MTHFD1L: variants seen among roughly 807,000 people sequenced by gnomAD.
MTHFD1L encodes monofunctional C1-tetrahydrofolate synthase, mitochondrial.
In MTHFD1L, 81 loss-of-function variants were observed where a neutral mutation model predicts 119.5. That is an observed-to-expected ratio of 0.68 (90% CI 0.57 to 0.82). The LOEUF (loss-of-function observed/expected upper bound fraction) is 0.82. Among genes scored for constraint, MTHFD1L ranks in the 40% least tolerant of loss-of-function variants. The probability of loss-of-function intolerance (pLI) is 0.00; values close to 1 mark genes in which losing one functional copy is unlikely to be tolerated. For synonymous variants in MTHFD1L, 430 were observed against 475.2 expected (o/e 0.90, Z 1.24); for missense variants, 1,125 against 1,253.4 (o/e 0.90, Z 1.55).
rs190811128 is a variant in MTHFD1L at position 151,069,029 on chromosome 6, T to C, written c.2848-23438T>C. Among the ~76,000 whole-genome samples, 3 of 152,298 alleles carry C rather than the reference T, an allele frequency of 2.0e-5. 1 individual carries two copies. Among genetic ancestry groups the C allele is most frequent in the African/African-American group, 7.2e-5 (3 of 41,572 alleles). On this transcript the variant is annotated intron_variant, in intron 26 of 27. Coordinates refer to ENST00000367321, the MANE Select transcript of MTHFD1L (RefSeq NM_015440.5). Reference sequence around the variant, plus strand: ...GAGCTAAAACTATGGTATCGTTTTATTGCAGTCCTCACATCAATCATAATT... The same window carrying C: ...GAGCTAAAACTATGGTATCGTTTTACTGCAGTCCTCACATCAATCATAATT...
At chr6:151,090,060 G>C (rs1794234581) in intron 26 of MTHFD1L, among the ~76,000 whole-genome samples, 1 of 152,168 alleles carries the variant, frequency 6.6e-6, no homozygotes, top group African/African-American at 2.4e-5. Flanking sequence ...TACCTGAAGT[G>C]CAGTCATGTG....
At chr6:151,081,837 C>T (rs868417043) in intron 26 of MTHFD1L, among the ~76,000 whole-genome samples, 2 of 152,166 alleles carry the variant, frequency 1.3e-5, no homozygotes, top group Non-Finnish European at 2.9e-5. Context: ...TAGGCAGCTG[C>T]GCCTTTGATA....
intron 26 of MTHFD1L, among the ~76,000 whole-genome samples, chr6:151,070,133 C>A (rs1232282612): frequency 6.6e-6 from 1 of 152,084 alleles, no homozygotes. Flanking sequence ...GAATTAGATT[C>A]CACATATAGC....
In MTHFD1L at chr6:150,892,987, T is replaced by A. The variant is rs529542523; in HGVS notation, c.780+5006T>A. ...TGGGTTAGTGTCCTGGGGCACCCAA[T>A]CAGGACAGGACACCTGGCACACCCT... is the stretch of plus-strand genomic sequence containing the variant. On this transcript the variant is annotated intron_variant, in intron 7 of 27. Transcript: ENST00000367321. Among the ~76,000 whole-genome samples, 3 of 152,218 alleles carry A rather than the reference T, an allele frequency of 2.0e-5. No individual in the cohort carries two copies. In the East Asian group the frequency reaches 5.8e-4, roughly 29 times the overall value.
chr6:151,057,324 G>A (rs928965694), intron 26 of MTHFD1L: 7 of 985,220 alleles, frequency 7.1e-6, no homozygotes, highest in Non-Finnish European at 7.2e-6. Context: ...TATAATAATG[G>A]TGGTGACTCA....
intron 8 of MTHFD1L, among the ~76,000 whole-genome samples, chr6:150,913,637 C>CT (rs2128873790): frequency 6.6e-6 from 1 of 152,194 alleles, no homozygotes; most frequent in South Asian, 2.1e-4. Flanking sequence ...ATTAGAAAAT[C>CT]TGAGTGCAGG....
Position 150,973,492 on chromosome 6 carries a change from C to T in MTHFD1L, c.2125+1434C>T, listed in dbSNP as rs1776077142. Among the ~76,000 whole-genome samples the T allele has an allele frequency of 2.0e-5, 3 of 152,062 alleles. No individual in the cohort carries two copies. In the South Asian group the frequency reaches 6.2e-4, roughly 32 times the overall value. ...AATGGACGAGGAGGCTGGGTCAGGGCGGGCACTGGAAAGTTGGGTGCTTAA... is the reference window on the plus strand; with the variant it reads ...AATGGACGAGGAGGCTGGGTCAGGGTGGGCACTGGAAAGTTGGGTGCTTAA... On this transcript the variant is annotated intron_variant, in intron 20 of 27. Transcript: ENST00000367321.
intron 2 of MTHFD1L, 87 bp from the exon 3 acceptor site, chr6:150,877,547 T>C (rs1159203759): frequency 2.1e-6 from 3 of 1,408,952 alleles, no homozygotes; most frequent in African/African-American, 2.9e-5. Flanking sequence ...AATTAGATCA[T>C]CTGTAATCAC....
At chr6:150,974,823 G>A (rs1043111041) in intron 20 of MTHFD1L, among the ~76,000 whole-genome samples, 3 of 150,262 alleles carry the variant, frequency 2.0e-5, no homozygotes, top group Non-Finnish European at 3.0e-5. Flanking sequence ...TGCAACCTCC[G>A]CCTCCCAGGT....
chr6:151,061,033 C>T (rs1321691652), intron 26 of MTHFD1L, among the ~76,000 whole-genome samples: 1 of 152,038 alleles, frequency 6.6e-6, no homozygotes, highest in Non-Finnish European at 1.5e-5. Flanking sequence ...TGAACAGGAG[C>T]GGGGAAGAGG....
intron 11 of MTHFD1L, chr6:150,935,463 C>T (rs1791895687): frequency 6.2e-7 from 1 of 1,610,368 alleles, no homozygotes. Flanking sequence ...CATTTGTAGC[C>T]TACCTGTGCA....
intron 26 of MTHFD1L, among the ~76,000 whole-genome samples, chr6:151,046,467 GTGTGTATATATATA>G (rs1389959994): frequency 1.4e-4 from 5 of 36,102 alleles, no homozygotes; most frequent in East Asian, 7.4e-4. Context: ...TAATATGTGT[GTGTGTATATATATA>G]TATATATATA....
At chr6:150,933,732 G>A (rs1168485657) in intron 11 of MTHFD1L, among the ~76,000 whole-genome samples, 3 of 152,068 alleles carry the variant, frequency 2.0e-5, no homozygotes, top group African/African-American at 7.2e-5. Context: ...CTCATCCTTG[G>A]CCTCCTTCTG....
intron 27 of MTHFD1L, chr6:151,100,037 T>A: frequency 2.3e-6 from 1 of 430,064 alleles, no homozygotes; most frequent in Non-Finnish European, 3.9e-6. Context: ...TTCTTTTCTT[T>A]TTTTTTTTTT....
chr6:151,002,216 C>G (rs1279212587), intron 20 of MTHFD1L, among the ~76,000 whole-genome samples: 1 of 152,192 alleles, frequency 6.6e-6, no homozygotes, highest in Non-Finnish European at 1.5e-5. Context: ...GGGACTTTGG[C>G]AGAGGTTGCT....
chr6:151,034,007 C>A (rs893090459), intron 24 of MTHFD1L, among the ~76,000 whole-genome samples: 1 of 151,910 alleles, frequency 6.6e-6, no homozygotes, highest in Admixed American at 6.6e-5. Context: ...GAAACCCAGT[C>A]TCTACAAAAA....
chr6:150,983,340 T>C (rs564744643), intron 20 of MTHFD1L, among the ~76,000 whole-genome samples: 7 of 152,188 alleles, frequency 4.6e-5, no homozygotes, highest in Non-Finnish European at 8.8e-5. Context: ...GTCTCTTGCA[T>C]TGAGGCCTTT....
At chr6:151,099,439 C>A in intron 27 of MTHFD1L, 1 of 915,676 alleles carries the variant, frequency 1.1e-6, no homozygotes, top group Non-Finnish European at 1.8e-6. Context: ...CTGGCCGTGT[C>A]TCTGAAATAT....
At chr6:150,910,750 G>A (rs111664450) in intron 8 of MTHFD1L, among the ~76,000 whole-genome samples, 3 of 151,948 alleles carry the variant, frequency 2.0e-5, no homozygotes, top group African/African-American at 4.8e-5. Flanking sequence ...AATAAATGCT[G>A]GTCCACTTCC....
Sources: gnomAD v4.1 joint callset for allele counts (sites outside exome capture counted in the v4.1 genomes callset) on GRCh38, gnomAD v4.1.1 for gene constraint, MANE v1.5 for transcripts, NCBI Gene and HGNC (gene_info 2026-07-23, HGNC 2026-07-21) for gene names.